SLC39A14: variants seen among roughly 807,000 people sequenced by gnomAD.
SLC39A14 encodes the protein solute carrier family 39 member 14.
A neutral mutation model predicts 45.5 loss-of-function variants in SLC39A14; 19 were observed. That is an observed-to-expected ratio of 0.42 (90% CI 0.29 to 0.61). SLC39A14 has a LOEUF of 0.61. SLC39A14 is among the 20% of genes least tolerant of loss of function. SLC39A14 has a pLI of 0.22. For missense variants in SLC39A14, 447 were observed against 616.5 expected, an observed-to-expected ratio of 0.73 and a Z score of 2.91; for synonymous variants, 264 against 251.3, an observed-to-expected ratio of 1.05 and a Z score of -0.48.
chr8:22,392,554 A>G (rs1294115774), intron 1 of SLC39A14, among the ~76,000 whole-genome samples: 1 of 152,138 alleles, frequency 6.6e-6, no homozygotes, highest in East Asian at 1.9e-4. Context: ...CGGTCTGACA[A>G]ATGGGAGTGA....
chr8:22,408,187 C>T (rs1835339683), intron 2 of SLC39A14, 123 bp from the exon 3 acceptor site: 1 of 847,912 alleles, frequency 1.2e-6, no homozygotes, highest in East Asian at 2.5e-5. Flanking sequence ...TCTACAAATT[C>T]CCTGAAATTT....
chr8:22,372,350 C>G (rs1195286442), intron 1 of SLC39A14, among the ~76,000 whole-genome samples: 4 of 152,106 alleles, frequency 2.6e-5, no homozygotes, highest in African/African-American at 7.2e-5. Context: ...TCATTCAGCA[C>G]CTTGCTTTTT....
At chr8:22,406,058 G>A (rs79359254) in intron 2 of SLC39A14, among the ~76,000 whole-genome samples, 4,528 of 152,288 alleles carry the variant, frequency 0.03, 234 homozygotes, top group African/African-American at 0.1. Context: ...ATGCAGAAAT[G>A]AGAGGGGGAG....
At chr8:22,426,704 G>A (rs6982913), downstream of SLC39A14, among the ~76,000 whole-genome samples, 50,411 of 151,310 alleles carry the variant, frequency 0.33, 9,274 homozygotes, top group East Asian at 0.6. Context: ...TTTTTTTTGA[G>A]ATGGAGTCTC....
intron 1 of SLC39A14, among the ~76,000 whole-genome samples, chr8:22,370,241 G>GCTTACCTTCTTCCTCCTTC (rs1435975835): frequency 6.6e-6 from 1 of 152,106 alleles, no homozygotes; most frequent in African/African-American, 2.4e-5. Flanking sequence ...TTTAAACCCT[G>GCTTACCTTCTTCCTCCTTC]CTTACCTTCT....
intron 1 of SLC39A14, among the ~76,000 whole-genome samples, chr8:22,394,275 G>T (rs939568993): frequency 1.3e-5 from 2 of 151,492 alleles, no homozygotes; most frequent in African/African-American, 2.4e-5. Flanking sequence ...AAAGTGCTGG[G>T]ATTGTAGGCA....
In SLC39A14 at chr8:22,411,898, C is replaced by T. The variant is rs575672876; in HGVS notation, c.458-139C>T. On this transcript the variant is annotated intron_variant, in intron 3 of 8. Transcript: ENST00000381237. ...TCTCTCTGATTTTTCTTTTTTGTTC[C>T]GTTAATATCCACCAAACTTTTCCTT... 54 of 716,810 alleles carry T rather than the reference C, an allele frequency of 7.5e-5. 1 individual carries two copies. The highest frequency in any genetic ancestry group is 5.3e-4 in the South Asian group (25 of 47,540). The allele number at this position is 716,810 out of a possible 1,614,324, so 44.4% of individuals were successfully genotyped here. A position where few individuals can be genotyped will look rare whatever the true frequency, so the allele number is the denominator to read the frequency against.
rs1192898731 is a variant in SLC39A14, at chr8:22,421,588, GTTCT to G, written c.*1893_*1896del. 3.0e-6 allele frequency: 3 copies of G among 985,550 alleles called. No individual in the cohort carries two copies. The highest frequency in any genetic ancestry group is 1.1e-4 in the East Asian group (1 of 8,822). The allele number at this position is 985,550 out of a possible 1,614,324, so 61.1% of individuals were successfully genotyped here. ...TCATTATTATTGTTGTTTTTAAACGGTTCTTTGTCTTTTCTGTTTTATTTTTCTC... is the reference window on the plus strand; with the variant it reads ...TCATTATTATTGTTGTTTTTAAACGGTTGTCTTTTCTGTTTTATTTTTCTC... On this transcript the variant is annotated 3_prime_UTR_variant, in exon 9 of 9. Transcript: ENST00000381237.
chr8:22,418,025 C>A (rs1835993549), intron 8 of SLC39A14, among the ~76,000 whole-genome samples, 190 bp downstream of exon 8: 1 of 152,166 alleles, frequency 6.6e-6, no homozygotes, highest in African/African-American at 2.4e-5. Flanking sequence ...GCCTCAGCCT[C>A]CTGAGTAGCT....
chr8:22,426,793 C>T (rs1836394502), downstream of SLC39A14, among the ~76,000 whole-genome samples: 1 of 152,068 alleles, frequency 6.6e-6, no homozygotes, highest in Non-Finnish European at 1.5e-5. Flanking sequence ...AAGCAATTCT[C>T]TTGCCTCAGC....
rs554912233 is a variant in SLC39A14 at position 22,415,830 on chromosome 8, A to C, written c.812A>C (p.Glu271Ala). Residue 271 changes from glutamate to alanine, a missense_variant, in exon 6 of 9, where the codon GAG becomes GCG. Around this residue, in one of 2 missense-constraint regions of SLC39A14, gnomAD observed 342 missense variants for 428.1 expected, o/e 0.80. Coordinates refer to ENST00000381237, the MANE Select transcript of SLC39A14 (RefSeq NM_001128431.4). ...CTTCCCTCCAAGAAGGACCAGGAGG[A>C]GGGGGTGATGGAGAAGCTGCAGAAC... ...ESLPSKKDQE[E>A]GVMEKLQNGD... The C allele has an allele frequency of 1.2e-6, 2 of 1,613,358 alleles. No individual in the cohort carries two copies. The highest frequency in any genetic ancestry group is 1.7e-5 in the Admixed American group (1 of 59,826).
At chr8:22,417,186 C>T (rs1047875149) in intron 7 of SLC39A14, among the ~76,000 whole-genome samples, 2 of 152,216 alleles carry the variant, frequency 1.3e-5, no homozygotes, top group Non-Finnish European at 2.9e-5. Context: ...CTTAACTTCT[C>T]GCAGTTTTGA....
At chr8:22,372,378 TAAGATC>T (rs1353971413) in intron 1 of SLC39A14, among the ~76,000 whole-genome samples, 7 of 152,330 alleles carry the variant, frequency 4.6e-5, no homozygotes, top group African/African-American at 1.7e-4. Context: ...GCAACTATAT[TAAGATC>T]TTTTCCATAT....
At chr8:22,419,153 A>G (rs1345471952) in intron 8 of SLC39A14, among the ~76,000 whole-genome samples, 1 of 152,206 alleles carries the variant, frequency 6.6e-6, no homozygotes, top group African/African-American at 2.4e-5. Flanking sequence ...AGTTGTAAAG[A>G]CATGGTACCT....
At chr8:22,384,064 G>A (rs1411628021) in intron 1 of SLC39A14, among the ~76,000 whole-genome samples, 3 of 152,138 alleles carry the variant, frequency 2.0e-5, no homozygotes, top group Non-Finnish European at 4.4e-5. Flanking sequence ...GCTCTGTGGT[G>A]CCTCCCACGG....
At chr8:22,398,673 T>C (rs1834661234) in intron 1 of SLC39A14, 1 of 975,106 alleles carries the variant, frequency 1.0e-6, no homozygotes, top group African/African-American at 1.8e-5. Context: ...GAATGTTTGC[T>C]CCTCTCTGAG....
intron 1 of SLC39A14, among the ~76,000 whole-genome samples, chr8:22,401,591 A>C (rs1007740163): frequency 9.0e-6 from 1 of 111,676 alleles, no homozygotes; most frequent in Non-Finnish European, 1.7e-5. Flanking sequence ...TCTGTCCCCC[A>C]GGCTGGAGTG....
intron 1 of SLC39A14, among the ~76,000 whole-genome samples, chr8:22,388,858 G>T (rs527804693): frequency 7.5e-6 from 1 of 133,172 alleles, no homozygotes; most frequent in South Asian, 2.4e-4. Flanking sequence ...ACCCAATTTG[G>T]AAATATGGGC....
intron 8 of SLC39A14, among the ~76,000 whole-genome samples, chr8:22,430,050 T>G (rs1836443866): frequency 6.6e-6 from 1 of 152,226 alleles, no homozygotes. Context: ...CCAGTCTGTC[T>G]GGACTGCAGC....
Sources: allele counts gnomAD v4.1 joint callset (sites outside exome capture counted in the v4.1 genomes callset), GRCh38; gene constraint gnomAD v4.1.1; regional missense constraint gnomAD v4.1.1; transcripts MANE v1.5; gene names NCBI Gene and HGNC (gene_info 2026-07-23, HGNC 2026-07-21).